DLG2: variants seen among roughly 807,000 people sequenced by gnomAD.
The protein encoded by DLG2 is discs large MAGUK scaffold protein 2.
A neutral mutation model predicts 132.5 loss-of-function variants in DLG2; 45 were observed. The ratio of observed to expected loss-of-function variants is 0.34; its 90% confidence interval spans 0.27 to 0.44. The LOEUF is 0.44. DLG2 is among the 20% of genes least tolerant of loss of function. The pLI, the probability that DLG2 is intolerant of heterozygous loss-of-function variation, is 1.00. For synonymous variants in DLG2, 424 were observed against 419.6 expected (o/e 1.01, Z -0.13); for missense variants, 1,045 against 1,196.9 (o/e 0.87, Z 1.87).
chr11:84,063,597 G>C (rs898357953), intron 10 of DLG2, among the ~76,000 whole-genome samples: 1 of 152,068 alleles, frequency 6.6e-6, no homozygotes. Context: ...ATTTGACCCA[G>C]CCATCCCATT....
intron 16 of DLG2, among the ~76,000 whole-genome samples, chr11:83,861,704 A>G (rs542791907): frequency 6.6e-6 from 1 of 152,240 alleles, no homozygotes; most frequent in African/African-American, 2.4e-5. Context: ...GAGTAGAAGG[A>G]TAGTTACCCG....
Position 85,030,105 on chromosome 11 carries a change from G to A in DLG2, c.357+81556C>T, listed in dbSNP as rs147892312. Among the ~76,000 whole-genome samples, 665 of 152,270 alleles carry A rather than the reference G, an allele frequency of 4.4e-3. 3 individuals carry two copies. The highest frequency in any genetic ancestry group is 0.01 in the Middle Eastern group (3 of 294). ...CCTAGCGGGGAAGGCTGCCCACTTC[G>A]CAAATACTTCATTGCTCAATTAAAC... On this transcript the variant is annotated intron_variant, in intron 6 of 27. Transcript: ENST00000376104.
chr11:84,905,489 T>G (rs1471655174), intron 6 of DLG2, among the ~76,000 whole-genome samples: 2 of 152,204 alleles, frequency 1.3e-5, no homozygotes, highest in African/African-American at 4.8e-5. Context: ...TCTCTTTTTT[T>G]CTGCATTTTA....
At chr11:85,118,085 T>C (rs2073881938) in intron 5 of DLG2, among the ~76,000 whole-genome samples, 1 of 152,118 alleles carries the variant, frequency 6.6e-6, no homozygotes, top group South Asian at 2.1e-4. Context: ...TTCCTCAACA[T>C]ATGACTTCAT....
intron 19 of DLG2, among the ~76,000 whole-genome samples, chr11:83,582,271 C>T (rs2096993392): frequency 6.6e-6 from 1 of 152,052 alleles, no homozygotes; most frequent in African/African-American, 2.4e-5. Context: ...GGAATCTTTG[C>T]CATGGTGACC....
At chr11:85,339,518 T>C (rs1348873084) in intron 3 of DLG2, among the ~76,000 whole-genome samples, 2 of 152,180 alleles carry the variant, frequency 1.3e-5, no homozygotes, top group African/African-American at 4.8e-5. Context: ...GCCTTGCAAA[T>C]AGAATGTGTT....
At chr11:85,384,217 T>A (rs76159562) in intron 3 of DLG2, among the ~76,000 whole-genome samples, 3 of 152,166 alleles carry the variant, frequency 2.0e-5, no homozygotes, top group Non-Finnish European at 4.4e-5. Flanking sequence ...TATTCTCTTA[T>A]AGATGAAGAA....
intron 10 of DLG2, among the ~76,000 whole-genome samples, chr11:84,067,705 T>A (rs923731201): frequency 2.6e-5 from 4 of 152,202 alleles, no homozygotes; most frequent in African/African-American, 9.6e-5. Context: ...TTACTGGGGA[T>A]CTTTAAAGTC....
intron 6 of DLG2, among the ~76,000 whole-genome samples, chr11:84,595,857 G>C (rs10898273): frequency 0.088 from 13,444 of 152,198 alleles, 680 homozygotes; most frequent in South Asian, 0.19. Flanking sequence ...ATAAGCATTT[G>C]ATGCTCTGAT....
chr11:83,577,434 A>T (rs892732932), intron 19 of DLG2, among the ~76,000 whole-genome samples: 4 of 144,478 alleles, frequency 2.8e-5, no homozygotes, highest in East Asian at 3.9e-4. Context: ...ATAGATATAT[A>T]ATAGTTTATA....
chr11:85,460,961 G>A (rs1245323889), intron 3 of DLG2, among the ~76,000 whole-genome samples: 1 of 152,156 alleles, frequency 6.6e-6, no homozygotes, highest in Admixed American at 6.5e-5. Context: ...TTGTTGGTTT[G>A]ATTTGTGGTG....
chr11:84,590,735 A>G (rs978498905), intron 6 of DLG2, among the ~76,000 whole-genome samples: 1 of 152,128 alleles, frequency 6.6e-6, no homozygotes, highest in Non-Finnish European at 1.5e-5. Context: ...TCCCTACCCA[A>G]CAGATGCTCT....
intron 18 of DLG2, among the ~76,000 whole-genome samples, chr11:83,709,272 TATATATAC>T (rs2084812872): frequency 6.7e-6 from 1 of 149,042 alleles, no homozygotes; most frequent in Non-Finnish European, 1.5e-5. Context: ...TATATGTATG[TATATATAC>T]ATATATGTAC....
chr11:83,608,365 T>G (rs1000849219), intron 19 of DLG2, among the ~76,000 whole-genome samples: 5 of 152,076 alleles, frequency 3.3e-5, no homozygotes, highest in African/African-American at 1.2e-4. Context: ...TTTTTTTTTT[T>G]TTTAGATTTT....
At chr11:83,722,340 C>T (rs773846430) in intron 18 of DLG2, among the ~76,000 whole-genome samples, 7 of 152,080 alleles carry the variant, frequency 4.6e-5, no homozygotes, top group Non-Finnish European at 8.8e-5. Context: ...GGTGGTCTTA[C>T]GGCAACAATT....
At chr11:85,575,777 G>T (rs976836909) in intron 3 of DLG2, among the ~76,000 whole-genome samples, 1 of 151,870 alleles carries the variant, frequency 6.6e-6, no homozygotes, top group African/African-American at 2.4e-5. Flanking sequence ...CTACTTTATG[G>T]TGCTCCAGAT....
chr11:84,643,334 T>C (rs1004462303), intron 6 of DLG2, among the ~76,000 whole-genome samples: 1 of 152,218 alleles, frequency 6.6e-6, no homozygotes, highest in Non-Finnish European at 1.5e-5. Context: ...GCAGTTTTTG[T>C]AACTTCTTTC....
In DLG2 at chr11:85,477,291, G is replaced by A. The variant is rs373708447; in HGVS notation, c.40+121366C>T. Among the ~76,000 whole-genome samples the A allele has an allele frequency of 2.6e-3, 396 of 152,190 alleles. 2 individuals are homozygous for A. The highest frequency in any genetic ancestry group is 8.5e-3 in the African/African-American group (354 of 41,528). ...AAATATAAAATCACACCAACACCTC[G>A]TATGTATACAAAATTAATTCAATAT... On this transcript the variant is annotated intron_variant, in intron 3 of 27. Transcript: ENST00000376104.
Position 83,930,428 on chromosome 11 carries a change from G to A in DLG2, c.1396C>T (p.Pro466Ser), listed in dbSNP as rs1158802044. The A allele has an allele frequency of 1.9e-6, 3 of 1,614,104 alleles. No individual in the cohort carries two copies. Among genetic ancestry groups the A allele is most frequent in the Non-Finnish European group, 2.5e-6 (3 of 1,179,950 alleles). The part of the protein sequence containing the change: ...VNKLCDKPAS[P>S]RHYSPVECDK... ...CACTCAACAGGGGAATAGTGCCTGG[G>A]AGAAGCAGGCTTATCACATAGTTTG... The change falls in exon 15 of 28, where the codon CCC becomes TCC. Residue 466 changes from proline (P) to serine (S), a missense_variant. Pro to Ser is a moderately conservative substitution (Grantham distance 74). Coordinates refer to ENST00000376104, the MANE Select transcript of DLG2 (RefSeq NM_001142699.3).
Sources: allele counts gnomAD v4.1 joint callset (sites outside exome capture counted in the v4.1 genomes callset), GRCh38; gene constraint gnomAD v4.1.1; transcripts MANE v1.5; gene names NCBI Gene and HGNC (gene_info 2026-07-23, HGNC 2026-07-21).